BRINP3: variants seen among roughly 807,000 people sequenced by gnomAD.
The protein encoded by BRINP3 is BMP/retinoic acid-inducible neural-specific protein 3.
BRINP3 carries 19 observed loss-of-function variants against 71.0 expected under a neutral mutation model. The ratio of observed to expected loss-of-function variants is 0.27; its 90% confidence interval spans 0.19 to 0.39. The LOEUF is 0.39. BRINP3 is among the 10% of genes least tolerant of loss of function. BRINP3 has a pLI of 1.00. For synonymous variants in BRINP3, 380 were observed against 337.7 expected (o/e 1.13, Z -1.37); for missense variants, 959 against 940.8 (o/e 1.02, Z -0.25).
intron 6 of BRINP3, among the ~76,000 whole-genome samples, chr1:190,187,841 C>T (rs1054634681): frequency 6.6e-6 from 1 of 151,538 alleles, no homozygotes; most frequent in Non-Finnish European, 1.5e-5. Flanking sequence ...TCTATTTGCT[C>T]AGGATTGCTT....
intron 2 of BRINP3, among the ~76,000 whole-genome samples, chr1:190,296,514 C>G (rs934130676): frequency 6.6e-6 from 1 of 152,030 alleles, no homozygotes; most frequent in African/African-American, 2.4e-5. Context: ...AGGAACAACA[C>G]AAGGCTGCCC....
chr1:190,246,589 A>G (rs780894369), intron 4 of BRINP3, among the ~76,000 whole-genome samples: 27 of 152,094 alleles, frequency 1.8e-4, no homozygotes, highest in Non-Finnish European at 3.4e-4. Context: ...TTTCTATGGA[A>G]CAGACTACAA....
At chr1:190,398,841 ATC>A (rs1446073610) in intron 2 of BRINP3, among the ~76,000 whole-genome samples, 1 of 151,976 alleles carries the variant, frequency 6.6e-6, no homozygotes, top group African/African-American at 2.4e-5. Flanking sequence ...CTGCTGCCAA[ATC>A]TTCCACCCTT....
intron 2 of BRINP3, among the ~76,000 whole-genome samples, chr1:190,337,993 A>AG (rs1329354060): frequency 6.6e-6 from 1 of 152,002 alleles, no homozygotes; most frequent in Non-Finnish European, 1.5e-5. Flanking sequence ...TGTTGACTTA[A>AG]TTTCTTCAAC....
In BRINP3 at chr1:190,448,463, TTGTG is replaced by T. The variant is rs67524700; in HGVS notation, c.236+6188_236+6191del. On this transcript the variant is annotated intron_variant, in intron 2 of 7. Coordinates refer to ENST00000367462, the MANE Select transcript of BRINP3 (RefSeq NM_199051.3). ...TTCTTAACACCCCTACACTTGGGGT[TTGTG>T]TGTGTGTGTGTGTGTGTGTGTGTGT... 2.8e-3 allele frequency among the ~76,000 whole-genome samples: 346 copies of T among 125,140 alleles called. 2 individuals carry two copies. Among genetic ancestry groups the T allele is most frequent in the East Asian group, 0.016 (72 of 4,550 alleles). The allele number at this position is 125,140 out of a possible 152,430, so 82.1% of individuals were successfully genotyped here.
At chr1:190,257,003 C>T (rs772082574) in intron 4 of BRINP3, among the ~76,000 whole-genome samples, 6 of 151,996 alleles carry the variant, frequency 3.9e-5, no homozygotes, top group Non-Finnish European at 8.8e-5. Context: ...TTGTGGTGTT[C>T]TCTGTATTAC....
At chr1:190,164,154 C>T (rs907411289) in intron 6 of BRINP3, among the ~76,000 whole-genome samples, 16 of 151,954 alleles carry the variant, frequency 1.1e-4, no homozygotes, top group African/African-American at 2.4e-4. Context: ...TACTAATAAA[C>T]GTAAAAAAAC....
At chr1:190,469,663 C>T (rs1188135450) in intron 1 of BRINP3, among the ~76,000 whole-genome samples, 1 of 150,770 alleles carries the variant, frequency 6.6e-6, no homozygotes, top group Non-Finnish European at 1.5e-5. Context: ...TCATGAAAAC[C>T]ACTTTACTTA....
chr1:190,190,181 C>A (rs1008773410), intron 6 of BRINP3, among the ~76,000 whole-genome samples: 3 of 152,084 alleles, frequency 2.0e-5, no homozygotes, highest in African/African-American at 7.2e-5. Flanking sequence ...ACTTAGTTTA[C>A]AGTTACTGGC....
At chr1:190,186,163 G>C (rs1250785341) in intron 6 of BRINP3, among the ~76,000 whole-genome samples, 1 of 151,996 alleles carries the variant, frequency 6.6e-6, no homozygotes, top group Non-Finnish European at 1.5e-5. Context: ...ATTACCTGAG[G>C]TCAGGAGTTT....
At chr1:190,240,028 A>G (rs1374778473) in intron 4 of BRINP3, among the ~76,000 whole-genome samples, 2 of 151,520 alleles carry the variant, frequency 1.3e-5, no homozygotes, top group African/African-American at 4.8e-5. Context: ...CTGTTCTATA[A>G]TTGAAGATAT....
At chr1:190,252,636 G>T (rs1156883758) in intron 4 of BRINP3, among the ~76,000 whole-genome samples, 1 of 151,940 alleles carries the variant, frequency 6.6e-6, no homozygotes, top group African/African-American at 2.4e-5. Flanking sequence ...GCTGAGTTAG[G>T]TTCATTTAAT....
At chr1:190,312,751 C>G (rs1665623563) in intron 2 of BRINP3, among the ~76,000 whole-genome samples, 1 of 151,724 alleles carries the variant, frequency 6.6e-6, no homozygotes, top group African/African-American at 2.4e-5. Flanking sequence ...TTTGCATCAT[C>G]CGATAATAGG....
chr1:190,344,571 C>T (rs1293326321), intron 2 of BRINP3, among the ~76,000 whole-genome samples: 1 of 151,866 alleles, frequency 6.6e-6, no homozygotes, highest in Non-Finnish European at 1.5e-5. Flanking sequence ...ATCATCATGA[C>T]TTTCTTAGAG....
Position 190,212,736 on chromosome 1 carries a change from C to T in BRINP3, c.961+13346G>A, listed in dbSNP as rs763801342. 1.3e-4 allele frequency among the ~76,000 whole-genome samples: 20 copies of T among 152,040 alleles called. No homozygotes were observed. The East Asian group carries it at 1.9e-3, about 15-fold the overall frequency. ...ACACACATTACATAAGAGCCAGTGACGATTATCTGTATGCTTTCCCATTGC... is the reference window on the plus strand; with the variant it reads ...ACACACATTACATAAGAGCCAGTGATGATTATCTGTATGCTTTCCCATTGC... On this transcript the variant is annotated intron_variant, in intron 6 of 7. Transcript: ENST00000367462.
At chr1:190,160,277 A>G (rs1657234209) in intron 7 of BRINP3, among the ~76,000 whole-genome samples, 1 of 151,988 alleles carries the variant, frequency 6.6e-6, no homozygotes, top group Non-Finnish European at 1.5e-5. Context: ...ATCTTGAATT[A>G]TTTTATTTGA....
chr1:190,267,400 G>A (rs1661748708), intron 3 of BRINP3, among the ~76,000 whole-genome samples: 1 of 151,876 alleles, frequency 6.6e-6, no homozygotes, highest in Non-Finnish European at 1.5e-5. Context: ...TGAATGATAG[G>A]CTAACTTAAG....
intron 2 of BRINP3, among the ~76,000 whole-genome samples, chr1:190,371,204 T>TAC (rs1669840960): frequency 6.6e-6 from 1 of 152,232 alleles, no homozygotes; most frequent in Admixed American, 6.5e-5. Flanking sequence ...TGTATTTTTG[T>TAC]ATTTGTTGCC....
At chr1:190,187,603 T>C (rs1653644740) in intron 6 of BRINP3, among the ~76,000 whole-genome samples, 1 of 152,182 alleles carries the variant, frequency 6.6e-6, no homozygotes, top group African/African-American at 2.4e-5. Flanking sequence ...GTACAGATGT[T>C]CAGTTTTCCC....
Sources: gnomAD v4.1 joint callset for allele counts (sites outside exome capture counted in the v4.1 genomes callset) on GRCh38, gnomAD v4.1.1 for gene constraint, MANE v1.5 for transcripts, NCBI Gene and HGNC (gene_info 2026-07-23, HGNC 2026-07-21) for gene names.